ST7: variants seen among roughly 807,000 people sequenced by gnomAD.
The protein encoded by ST7 is suppressor of tumorigenicity 7 protein.
A neutral mutation model predicts 78.7 loss-of-function variants in ST7; 28 were observed. The observed-to-expected ratio is 0.36, with a 90% CI of 0.26 to 0.49. The LOEUF (loss-of-function observed/expected upper bound fraction) is 0.49. Ranked by LOEUF, ST7 falls within the 20% of genes least tolerant of loss-of-function variation. The pLI is 0.99. For missense variants in ST7, 418 were observed against 696.0 expected, an observed-to-expected ratio of 0.60 and a Z score of 4.49; for synonymous variants, 247 against 249.6, an observed-to-expected ratio of 0.99 and a Z score of 0.10.
intron 15 of ST7, 106 bp from the exon 16 acceptor site, chr7:117,229,656 C>T (rs1793666261): frequency 4.3e-6 from 4 of 921,388 alleles, no homozygotes; most frequent in Admixed American, 2.3e-5. Context: ...CCTTTTGAGA[C>T]TTTCGTAATG....
chr7:116,974,081 A>G (rs897255004), intron 1 of ST7, among the ~76,000 whole-genome samples: 3 of 152,088 alleles, frequency 2.0e-5, no homozygotes, highest in Non-Finnish European at 2.9e-5. Flanking sequence ...GGAGAGCCTT[A>G]TTGACATTGG....
intron 1 of ST7, chr7:116,958,721 A>T (rs1261446836): frequency 4.2e-6 from 2 of 470,842 alleles, no homozygotes; most frequent in Non-Finnish European, 8.8e-6. Flanking sequence ...CCCAGTGCAT[A>T]TAAAAGTTAT....
chr7:116,980,354 C>T (rs986702624), intron 1 of ST7, among the ~76,000 whole-genome samples: 3 of 152,180 alleles, frequency 2.0e-5, no homozygotes, highest in Admixed American at 6.5e-5. Flanking sequence ...TATCTGAGTC[C>T]GAACACTTCC....
At chr7:117,010,836 A>G (rs1795354987) in intron 1 of ST7, among the ~76,000 whole-genome samples, 1 of 152,192 alleles carries the variant, frequency 6.6e-6, no homozygotes, top group South Asian at 2.1e-4. Context: ...GTGAAGTGGA[A>G]GCCATGCTCG....
chr7:117,215,195 G>T (rs1792599039), intron 13 of ST7, among the ~76,000 whole-genome samples: 1 of 152,048 alleles, frequency 6.6e-6, no homozygotes, highest in Admixed American at 6.5e-5. Context: ...ACAGCATGTG[G>T]ATCACAACCC....
At chr7:116,979,958 C>CTTTTTTTTTTTTTTTTTTTTTTTTTTTT (rs745530832) in intron 1 of ST7, among the ~76,000 whole-genome samples, 1 of 86,240 alleles carries the variant, frequency 1.2e-5, no homozygotes, top group Non-Finnish European at 2.0e-5. Flanking sequence ...TTTTGTTTCT[C>CTTTTTTTTTTTTTTTTTTTTTTTTTTTT]TTTTTTTTTT....
chr7:117,062,483 G>T (rs1372199481), intron 1 of ST7, among the ~76,000 whole-genome samples: 1 of 152,192 alleles, frequency 6.6e-6, no homozygotes, highest in East Asian at 1.9e-4. Context: ...ACTGTGATAT[G>T]AAATTCAATC....
At chr7:117,080,613 A>T (rs889307389) in intron 1 of ST7, among the ~76,000 whole-genome samples, 2 of 152,176 alleles carry the variant, frequency 1.3e-5, no homozygotes, top group African/African-American at 4.8e-5. Flanking sequence ...ATTTTTAAAG[A>T]ACAACAAAAA....
intron 1 of ST7, among the ~76,000 whole-genome samples, chr7:117,045,722 T>C (rs1014738616): frequency 3.9e-5 from 6 of 152,224 alleles, no homozygotes; most frequent in African/African-American, 1.4e-4. Flanking sequence ...CTTGGCCCAT[T>C]GTATGCCTGG....
intron 15 of ST7, among the ~76,000 whole-genome samples, chr7:117,224,382 C>A (rs1321168619): frequency 6.6e-6 from 1 of 152,100 alleles, no homozygotes; most frequent in Non-Finnish European, 1.5e-5. Flanking sequence ...CATATTGCTG[C>A]CTTGGATGTT....
At chr7:116,985,010 C>T (rs1794131925) in intron 1 of ST7, among the ~76,000 whole-genome samples, 1 of 152,152 alleles carries the variant, frequency 6.6e-6, no homozygotes, top group African/African-American at 2.4e-5. Flanking sequence ...ATTCTTTCTA[C>T]CACTAGATGG....
In ST7 at chr7:117,167,216, C is replaced by T. The variant is rs544907757; in HGVS notation, c.964-3646C>T. Among the ~76,000 whole-genome samples, 142 of 126,288 alleles carry T rather than the reference C, an allele frequency of 1.1e-3. 1 individual carries two copies. Among genetic ancestry groups the T allele is most frequent in the African/African-American group, 3.9e-3 (135 of 34,990 alleles). The allele number at this position is 126,288 out of a possible 152,430, so 82.8% of individuals were successfully genotyped here. On this transcript the variant is annotated intron_variant, in intron 9 of 15. Coordinates refer to ENST00000323984, the MANE Select transcript of ST7 (RefSeq NM_001369598.1). ...AGGTATATCACCCTCTGCTATCCCT[C>T]CCCCCTCCCCCCACCCCACAACAGT... is the stretch of plus-strand genomic sequence containing the variant.
Position 117,053,099 on chromosome 7 carries a change from A to G in ST7, c.152-46663A>G, listed in dbSNP as rs369996942. On this transcript the variant is annotated intron_variant, in intron 1 of 15. Transcript: ENST00000323984. ...CTTAATCATTTTCCTGTTGTTGAGC[A>G]TTTAAGTTGTTTGTTGTTCTTCGTA... is the stretch of plus-strand genomic sequence containing the variant. 2.0e-5 allele frequency among the ~76,000 whole-genome samples: 3 copies of G among 150,628 alleles called. 1 individual carries two copies. The highest frequency in any genetic ancestry group is 6.6e-5 in the Admixed American group (1 of 15,116).
chr7:117,160,284 A>G (rs376118761), intron 9 of ST7, among the ~76,000 whole-genome samples: 3,906 of 152,016 alleles, frequency 0.026, 68 homozygotes, highest in South Asian at 0.052. Flanking sequence ...CACATGTAGC[A>G]AATCAAATAG....
intron 1 of ST7, among the ~76,000 whole-genome samples, chr7:117,050,013 C>T (rs980387255): frequency 5.3e-5 from 8 of 150,372 alleles, no homozygotes; most frequent in Middle Eastern, 3.4e-3. Context: ...GAGACCATCC[C>T]GGCTAACACG....
chr7:117,038,741 T>C lies in ST7; in HGVS notation c.152-61021T>C, dbSNP rs181419688. 3.1e-3 allele frequency among the ~76,000 whole-genome samples: 467 copies of C among 152,308 alleles called. 2 individuals are homozygous for C. The highest frequency in any genetic ancestry group is 5.3e-3 in the Non-Finnish European group (359 of 68,030). ...TTAGGGGATTTACACTATAGGCAGA[T>C]ACACAGATATATGTAAAGGGGGGAG... On this transcript the variant is annotated intron_variant, in intron 1 of 15. Transcript: ENST00000323984.
At chr7:117,030,377 C>CA (rs1190614666) in intron 1 of ST7, among the ~76,000 whole-genome samples, 4 of 152,124 alleles carry the variant, frequency 2.6e-5, no homozygotes, top group African/African-American at 4.8e-5. Flanking sequence ...GAATTATTTG[C>CA]ACTTGTAAAA....
intron 1 of ST7, among the ~76,000 whole-genome samples, chr7:117,030,052 T>TA (rs1310532496): frequency 4.6e-5 from 7 of 152,156 alleles, no homozygotes; most frequent in South Asian, 2.1e-4. Context: ...TGTCAATTTC[T>TA]AAAAAAAGAC....
At chr7:117,204,261 T>C (rs921015350) in intron 12 of ST7, among the ~76,000 whole-genome samples, 1 of 152,240 alleles carries the variant, frequency 6.6e-6, no homozygotes, top group African/African-American at 2.4e-5. Flanking sequence ...AGCAAAAATA[T>C]CTACTATTCA....
Sources: allele counts gnomAD v4.1 joint callset (sites outside exome capture counted in the v4.1 genomes callset), GRCh38; gene constraint gnomAD v4.1.1; transcripts MANE v1.5; gene names NCBI Gene and HGNC (gene_info 2026-07-23, HGNC 2026-07-21).